Variants in LMX1B observed in about 807,000 individuals in gnomAD.
LMX1B encodes the protein LIM homeobox transcription factor 1-beta.
Under a neutral mutation model 51.4 loss-of-function variants are expected in LMX1B, and 12 were observed. The ratio of observed to expected loss-of-function variants is 0.23; its 90% CI spans 0.15 to 0.38. The LOEUF is 0.38. Among genes scored for constraint, LMX1B ranks in the 10% least tolerant of loss-of-function variants. LMX1B has a pLI of 1.00. For missense variants in LMX1B, 445 were observed against 571.1 expected, an observed-to-expected ratio of 0.78 and a Z score of 2.25; for synonymous variants, 237 against 235.4, an observed-to-expected ratio of 1.01 and a Z score of -0.06.
intron 2 of LMX1B, among the ~76,000 whole-genome samples, chr9:126,624,763 A>T (rs1382342797): frequency 6.6e-6 from 1 of 151,424 alleles, no homozygotes; most frequent in Non-Finnish European, 1.5e-5. Context: ...GGAGATTTCG[A>T]ACAAAGACAG....
In LMX1B at chr9:126,696,447, C is replaced by T. The variant is rs1421820689; in HGVS notation, c.1205C>T (p.Ser402Phe). The T allele has an allele frequency of 1.9e-6, 3 of 1,613,876 alleles. No homozygotes were observed. The highest frequency in any genetic ancestry group is 2.5e-6 in the Non-Finnish European group (3 of 1,179,946). The change falls in exon 8 of 8, where the codon TCC becomes TTC. Residue 402 changes from serine to phenylalanine, a missense_variant. Physicochemically the swap from Ser to Phe is radical, Grantham distance 155 (BLOSUM62 -2). This residue lies in a region of LMX1B where 162 missense variants were observed against 187.8 expected (regional missense o/e 0.86). Transcript: ENST00000373474. ...LYSMQSSYFA[S>F] ...TCCATGCAGAGTTCCTACTTCGCCT[C>T]CTGAGAGCCAGCCAGGCGCACGGAC...
chr9:126,693,830 C>T lies in LMX1B; in HGVS notation c.886+18C>T, dbSNP rs529668402. On this transcript the variant is annotated intron_variant, in intron 6 of 7. Transcript: ENST00000373474. ...GGGCCAGGGTGAGCCGGGGCCGGGG[C>T]AGGGCCTGGGCCAGGGTGAGCTGGG... The T allele has an allele frequency of 2.0e-4, 239 of 1,173,816 alleles. 1 individual carries two copies. In the African/African-American group the frequency reaches 3.3e-3, roughly 16 times the overall value. The allele number at this position is 1,173,816 out of a possible 1,614,324, so 72.7% of individuals were successfully genotyped here.
intron 2 of LMX1B, among the ~76,000 whole-genome samples, chr9:126,685,373 A>G (rs1272683841): frequency 6.6e-6 from 1 of 152,180 alleles, no homozygotes; most frequent in Non-Finnish European, 1.5e-5. Flanking sequence ...CTTTGGGCTT[A>G]TCCTGACATT....
At chr9:126,685,669 G>A (rs1234708204) in intron 2 of LMX1B, among the ~76,000 whole-genome samples, 1 of 152,188 alleles carries the variant, frequency 6.6e-6, no homozygotes, top group Admixed American at 6.5e-5. Context: ...AAACTGTAAA[G>A]GGCAGTGACG....
chr9:126,667,469 G>A (rs572615368), intron 2 of LMX1B, among the ~76,000 whole-genome samples: 19 of 152,212 alleles, frequency 1.2e-4, no homozygotes, highest in Admixed American at 6.5e-5. Flanking sequence ...CGCATGTGCC[G>A]CGTGACGGGA....
intron 2 of LMX1B, among the ~76,000 whole-genome samples, chr9:126,650,539 C>T (rs1310116306): frequency 1.3e-5 from 2 of 152,250 alleles, no homozygotes; most frequent in Admixed American, 6.5e-5. Flanking sequence ...GAGTCAGCAG[C>T]GGCCAGGGAG....
At chr9:126,681,251 T>TC (rs1836665059) in intron 2 of LMX1B, among the ~76,000 whole-genome samples, 1 of 152,086 alleles carries the variant, frequency 6.6e-6, no homozygotes, top group Non-Finnish European at 1.5e-5. Context: ...CTCCCTGAAC[T>TC]CCAACCTCAC....
At chr9:126,631,957 A>G (rs1168299483) in intron 2 of LMX1B, among the ~76,000 whole-genome samples, 1 of 151,968 alleles carries the variant, frequency 6.6e-6, no homozygotes, top group Non-Finnish European at 1.5e-5. Flanking sequence ...CTTTGACCAT[A>G]TGTATTGGGT....
intron 2 of LMX1B, among the ~76,000 whole-genome samples, chr9:126,664,550 G>T (rs935816057): frequency 1.3e-5 from 2 of 152,226 alleles, no homozygotes; most frequent in African/African-American, 4.8e-5. Flanking sequence ...ATGTCACAGA[G>T]ATAGCGCATG....
At chr9:126,629,198 G>T (rs920038959) in intron 2 of LMX1B, among the ~76,000 whole-genome samples, 1 of 152,116 alleles carries the variant, frequency 6.6e-6, no homozygotes, top group African/African-American at 2.4e-5. Context: ...CATTCTGCAC[G>T]GTACTTGGGG....
At position 126,673,152 on chromosome 9, in the gene LMX1B, G is replaced by A. The variant is rs1056271697; in HGVS notation, c.327-17684G>A. ...CATTCTCCTTGCCTTCCAGGGTCGAGAGGAGATGAGAACTCCAGAAGCTCG... is the reference window on the plus strand; with the variant it reads ...CATTCTCCTTGCCTTCCAGGGTCGAAAGGAGATGAGAACTCCAGAAGCTCG... On this transcript the variant is annotated intron_variant, in intron 2 of 7. Coordinates refer to ENST00000373474, the MANE Select transcript of LMX1B (RefSeq NM_001174147.2). The surrounding 1 kb of genome is among the most constrained non-coding windows in gnomAD (Gnocchi z 4.4). Among the ~76,000 whole-genome samples the A allele has an allele frequency of 2.6e-5, 4 of 152,220 alleles. No individual in the cohort carries two copies. Among genetic ancestry groups the A allele is most frequent in the African/African-American group, 9.6e-5 (4 of 41,454 alleles).
At chr9:126,692,647 G>A (rs574284870) in intron 3 of LMX1B, among the ~76,000 whole-genome samples, 2 of 152,386 alleles carry the variant, frequency 1.3e-5, no homozygotes, top group South Asian at 4.1e-4. Context: ...GTGTGTGCGT[G>A]CATACGCTGT....
intron 2 of LMX1B, among the ~76,000 whole-genome samples, chr9:126,619,771 C>T (rs192185796): frequency 3.9e-5 from 6 of 152,272 alleles, no homozygotes; most frequent in Admixed American, 3.9e-4. Flanking sequence ...CTCGACTCCC[C>T]GGGCGCTGGG....
chr9:126,617,387 TA>T (rs964920352), intron 2 of LMX1B, among the ~76,000 whole-genome samples: 1 of 151,232 alleles, frequency 6.6e-6, no homozygotes, highest in Non-Finnish European at 1.5e-5. Context: ...TTGCACAGCT[TA>T]AAAAAAAGAA....
intron 2 of LMX1B, among the ~76,000 whole-genome samples, chr9:126,642,573 T>C (rs1357641376): frequency 6.6e-6 from 1 of 152,194 alleles, no homozygotes; most frequent in Non-Finnish European, 1.5e-5. Context: ...CTGCCTCCTC[T>C]GGGCACCCCC....
chr9:126,648,350 G>C (rs1445049435), intron 2 of LMX1B, among the ~76,000 whole-genome samples: 1 of 152,158 alleles, frequency 6.6e-6, no homozygotes, highest in Non-Finnish European at 1.5e-5. Flanking sequence ...CAGCCCTGCG[G>C]GTCTGCCCAC....
intron 2 of LMX1B, among the ~76,000 whole-genome samples, chr9:126,647,355 G>A (rs1042126457): frequency 5.3e-5 from 8 of 152,158 alleles, no homozygotes; most frequent in African/African-American, 1.7e-4. Context: ...GACATCGTTC[G>A]ACACATTTAC....
At chr9:126,648,453 G>A (rs1023718229) in intron 2 of LMX1B, among the ~76,000 whole-genome samples, 2 of 152,158 alleles carry the variant, frequency 1.3e-5, no homozygotes, top group Admixed American at 6.5e-5. Flanking sequence ...TGTTGGGGGC[G>A]GGACCCGGCT....
At chr9:126,694,938 T>C (rs2030272658) in intron 6 of LMX1B, among the ~76,000 whole-genome samples, 1 of 152,000 alleles carries the variant, frequency 6.6e-6, no homozygotes, top group South Asian at 2.1e-4. Context: ...CACACGCACA[T>C]GGCATGCCCT....
Sources: allele counts gnomAD v4.1 joint callset (sites outside exome capture counted in the v4.1 genomes callset), GRCh38; gene constraint gnomAD v4.1.1; regional missense constraint gnomAD v4.1.1; non-coding constraint Gnocchi (gnomAD v3.1); transcripts MANE v1.5; gene names NCBI Gene and HGNC (gene_info 2026-07-23, HGNC 2026-07-21).